The following TOR1AIP1 variants were observed in gnomAD, a reference collection of about 807,000 sequenced individuals.
The protein encoded by TOR1AIP1 is torsin 1A interacting protein 1, also known as torsin-1A-interacting protein 1.
Under a neutral mutation model 63.3 loss-of-function variants are expected in TOR1AIP1, and 54 were observed. That is an observed-to-expected ratio of 0.85 (90% CI 0.69 to 1.07). TOR1AIP1 has a LOEUF of 1.07. Among genes scored for constraint, TOR1AIP1 ranks in the 50% least tolerant of loss-of-function variants. TOR1AIP1 has a pLI of 0.00. For missense variants in TOR1AIP1, 736 were observed against 715.0 expected (o/e 1.03, Z -0.33); for synonymous variants, 294 against 273.5 (o/e 1.07, Z -0.74).
chr1:179,898,175 A>G (rs1208404580), intron 3 of TOR1AIP1, among the ~76,000 whole-genome samples: 1 of 152,138 alleles, frequency 6.6e-6, no homozygotes, highest in Non-Finnish European at 1.5e-5. Context: ...GGATTGTAAT[A>G]GACTGGAAGT....
chr1:179,886,538 C>T (rs781259962), intron 2 of TOR1AIP1, among the ~76,000 whole-genome samples: 1 of 152,088 alleles, frequency 6.6e-6, no homozygotes, highest in Non-Finnish European at 1.5e-5. Flanking sequence ...TCACTTTGTA[C>T]CCGGTAAAAC....
In TOR1AIP1 at chr1:179,908,618, A is replaced by G. The variant is rs775959429; in HGVS notation, c.852A>G (p.Gln284=). ...KQPSVLSSGY[Q]KTPQEWAPQT... is the part of the protein sequence containing the mutation. ...TATTTGCTTCAGGCTCAGGATATCAAAAAACTCCCCAGGAATGGGCCCCAC... is the reference window on the plus strand; with the variant it reads ...TATTTGCTTCAGGCTCAGGATATCAGAAAACTCCCCAGGAATGGGCCCCAC... The change falls in exon 8 of 10, where the codon CAA becomes CAG. Residue 284 remains glutamine (Q), a synonymous_variant. Coordinates refer to ENST00000606911, the MANE Select transcript of TOR1AIP1 (RefSeq NM_015602.4). The G allele has an allele frequency of 1.2e-6, 2 of 1,613,606 alleles. No individual in the cohort carries two copies. Among genetic ancestry groups the G allele is most frequent in the Admixed American group, 1.7e-5 (1 of 59,996 alleles).
intron 6 of TOR1AIP1, among the ~76,000 whole-genome samples, chr1:179,906,066 C>CT (rs1448527685): frequency 6.6e-6 from 1 of 152,028 alleles, no homozygotes; most frequent in Non-Finnish European, 1.5e-5. Flanking sequence ...TTTTATGTAT[C>CT]AATGAGAAAG....
At chr1:179,901,167 TAAAC>T (rs1648453472) in intron 4 of TOR1AIP1, 131 bp from the exon 5 acceptor site, 1 of 486,866 alleles carries the variant, frequency 2.1e-6, no homozygotes, top group Non-Finnish European at 3.5e-6. Context: ...ATAAGCATGA[TAAAC>T]AAACAGTAGT....
rs1558048250 is a variant in TOR1AIP1 at position 179,917,437 on chromosome 1, T to C, written c.965-15T>C. ...AGTGGTATTTATATCTGTCATTTCT[T>C]TTTTGTCTGAGTAGAAGTGACTGGA... is the stretch of plus-strand genomic sequence containing the variant. On this transcript the variant is annotated splice_polypyrimidine_tract_variant and intron_variant, in intron 9 of 9. Coordinates refer to ENST00000606911, the MANE Select transcript of TOR1AIP1 (RefSeq NM_015602.4). 2 of 1,587,300 alleles carry C rather than the reference T, an allele frequency of 1.3e-6. No individual in the cohort carries two copies.
At chr1:179,908,183 C>T (rs1021830998) in intron 7 of TOR1AIP1, among the ~76,000 whole-genome samples, 3 of 152,160 alleles carry the variant, frequency 2.0e-5, no homozygotes, top group African/African-American at 7.2e-5. Flanking sequence ...GCTGGAATTA[C>T]AGGTGTGAGC....
Position 179,882,658 on chromosome 1 carries a change from G to A in TOR1AIP1, c.156G>A (p.Gln52=), listed in dbSNP as rs1299122146. The change falls in exon 1 of 10, where the codon CAG becomes CAA. Residue 52 remains glutamine, a synonymous_variant. Transcript: ENST00000606911. ...CGTACAGAACTCCTCCGTCGCGCCA[G>A]GGCCGGCGGGAAGTGAGGTTCTCGG... ...APAYRTPPSR[Q]GRREVRFSDE... is the part of the protein sequence containing the mutation. 4 of 1,585,190 alleles carry A rather than the reference G, an allele frequency of 2.5e-6. No homozygotes were observed. The highest frequency in any genetic ancestry group is 3.4e-6 in the Non-Finnish European group (4 of 1,165,264).
chr1:179,883,188 G>A, intron 1 of TOR1AIP1: 2 of 600,266 alleles, frequency 3.3e-6, no homozygotes, highest in Non-Finnish European at 5.9e-6. Context: ...GTGGAAAGAT[G>A]GTCGTGTGGA....
At chr1:179,889,472 T>C in intron 3 of TOR1AIP1, 103 bp downstream of exon 3, 1 of 971,814 alleles carries the variant, frequency 1.0e-6, no homozygotes, top group Non-Finnish European at 1.5e-6. Context: ...TAAAAGTTAC[T>C]GTAAATATAC....
intron 5 of TOR1AIP1, among the ~76,000 whole-genome samples, chr1:179,902,984 C>T (rs1648514021): frequency 6.6e-6 from 1 of 150,756 alleles, no homozygotes; most frequent in Non-Finnish European, 1.5e-5. Context: ...TCAGCCTGGG[C>T]AACAGAGCGA....
At chr1:179,893,988 G>A (rs1648185217) in intron 3 of TOR1AIP1, among the ~76,000 whole-genome samples, 2 of 152,128 alleles carry the variant, frequency 1.3e-5, no homozygotes, top group African/African-American at 4.8e-5. Context: ...ACAAGGCCGG[G>A]CACGGTGGCT....
At chr1:179,884,317 TAA>T (rs372075324) in intron 1 of TOR1AIP1, among the ~76,000 whole-genome samples, 6 of 152,212 alleles carry the variant, frequency 3.9e-5, no homozygotes, top group African/African-American at 1.4e-4. Context: ...TTATACAGGC[TAA>T]CTTTTTTTTA....
intron 3 of TOR1AIP1, among the ~76,000 whole-genome samples, chr1:179,895,443 C>A (rs908284937): frequency 1.3e-5 from 2 of 151,944 alleles, no homozygotes; most frequent in African/African-American, 4.8e-5. Context: ...CTCGTCTCTA[C>A]AAAAAAATGC....
At chr1:179,900,505 A>G (rs575588949) in intron 4 of TOR1AIP1, 64 of 157,574 alleles carry the variant, frequency 4.1e-4, no homozygotes, top group Non-Finnish European at 8.1e-4. Flanking sequence ...CAGTAGTGGG[A>G]TTGCAACTGT....
rs1472497370 is a variant in TOR1AIP1, at chr1:179,882,860, G to A, written c.358G>A (p.Glu120Lys). Residue 120 changes from glutamate to lysine, a missense_variant, in exon 1 of 10, where the codon GAG (glutamate) becomes AAG (lysine). Coordinates refer to ENST00000606911, the MANE Select transcript of TOR1AIP1 (RefSeq NM_015602.4). ...GAGGCAGCCGCGACCCCAGGAAACC[G>A]AGGAAATGAAGACGCGAAGGACTAC... ...QRRQPRPQET[E>K]EMKTRRTTRL... is the part of the protein sequence containing the mutation. 17 of 1,614,098 alleles carry A rather than the reference G, an allele frequency of 1.1e-5. No homozygotes were observed. Among genetic ancestry groups the A allele is most frequent in the Non-Finnish European group, 1.4e-5 (16 of 1,180,046 alleles).
chr1:179,905,544 G>A (rs1217153036), intron 6 of TOR1AIP1, among the ~76,000 whole-genome samples: 6 of 152,024 alleles, frequency 3.9e-5, no homozygotes, highest in Non-Finnish European at 7.4e-5. Context: ...AATCAGTTGT[G>A]GAAAATTACT....
chr1:179,913,887 T>C, intron 8 of TOR1AIP1, 111 bp from the exon 9 acceptor site: 1 of 1,007,368 alleles, frequency 9.9e-7, no homozygotes, highest in Non-Finnish European at 1.5e-6. Flanking sequence ...CTGGCTGATC[T>C]CTGTCTTCTT....
Position 179,918,258 on chromosome 1 carries a change from AATC to A in TOR1AIP1, c.*22_*24del. 6.4e-7 allele frequency: 1 copy of A among 1,557,764 alleles called. No homozygotes were observed. The highest frequency in any genetic ancestry group is 8.6e-7 in the Non-Finnish European group (1 of 1,162,812). On this transcript the variant is annotated 3_prime_UTR_variant, in exon 10 of 10. Transcript: ENST00000606911. ...CTTATAAGAAGTGAGAGAGAAGAAA[AATC>A]ATGTCCCAAGTTCTGAGAATTGTTC...
intron 3 of TOR1AIP1, among the ~76,000 whole-genome samples, chr1:179,897,886 T>C (rs1438381599): frequency 6.6e-6 from 1 of 152,116 alleles, no homozygotes; most frequent in Non-Finnish European, 1.5e-5. Flanking sequence ...TTACTTGAGC[T>C]CAAGAGTTCG....
Sources: gnomAD v4.1 joint callset for allele counts (sites outside exome capture counted in the v4.1 genomes callset) on GRCh38, gnomAD v4.1.1 for gene constraint, MANE v1.5 for transcripts, NCBI Gene and HGNC (gene_info 2026-07-23, HGNC 2026-07-21) for gene names.